WWOX: variants seen among roughly 807,000 people sequenced by gnomAD.
WWOX encodes the protein WW domain-containing oxidoreductase.
Under a neutral mutation model 46.2 loss-of-function variants are expected in WWOX, and 69 were observed. That is an observed-to-expected ratio of 1.49 (90% confidence interval 1.23 to 1.82). The LOEUF is 1.82. Ranked by LOEUF, WWOX falls within the 40% of genes most tolerant of loss-of-function variation. The pLI, the probability that WWOX is intolerant of heterozygous loss-of-function variation, is 0.00. For synonymous variants in WWOX, 359 were observed against 202.6 expected (o/e 1.77, Z -6.56); for missense variants, 919 against 542.6 (o/e 1.69, Z -6.89).
chr16:78,111,095 C>T (rs1020381162), intron 3 of WWOX, among the ~76,000 whole-genome samples: 1 of 152,026 alleles, frequency 6.6e-6, no homozygotes, highest in African/African-American at 2.4e-5. Flanking sequence ...GGCCAGCCCT[C>T]CTCTGAGTGT....
rs75351625 is a variant in WWOX, at chr16:78,140,571, G to A, written c.410-23612G>A. On this transcript the variant is annotated intron_variant, in intron 4 of 8. Transcript: ENST00000566780. Reference sequence around the variant, plus strand: ...AGCCCTAGATGTTCATTGGCCTGTGGCAGGGTAATTCCAGTCTCTGCCTCC... The same window carrying A: ...AGCCCTAGATGTTCATTGGCCTGTGACAGGGTAATTCCAGTCTCTGCCTCC... Among the ~76,000 whole-genome samples the A allele has an allele frequency of 8.0e-3, 1,224 of 152,206 alleles. 12 individuals carry two copies. The highest frequency in any genetic ancestry group is 0.028 in the African/African-American group (1,159 of 41,498).
At chr16:78,488,095 G>T (rs962974317) in intron 8 of WWOX, among the ~76,000 whole-genome samples, 1 of 152,196 alleles carries the variant, frequency 6.6e-6, no homozygotes, top group East Asian at 1.9e-4. Flanking sequence ...CTGTGGAGCA[G>T]GGAGGGATCT....
At chr16:79,034,161 C>T (rs2047820697) in intron 8 of WWOX, among the ~76,000 whole-genome samples, 3 of 152,124 alleles carry the variant, frequency 2.0e-5, no homozygotes, top group African/African-American at 7.2e-5. Context: ...GTTTTCTTCT[C>T]CATCTATAAC....
At chr16:78,217,794 G>C (rs1232800787) in intron 5 of WWOX, among the ~76,000 whole-genome samples, 2 of 152,308 alleles carry the variant, frequency 1.3e-5, no homozygotes, top group South Asian at 4.1e-4. Flanking sequence ...TCTGTGTGCT[G>C]TGCAGGCCGT....
chr16:78,131,905 T>G (rs1016621043), intron 4 of WWOX, among the ~76,000 whole-genome samples: 11 of 151,606 alleles, frequency 7.3e-5, no homozygotes, highest in African/African-American at 2.4e-4. Flanking sequence ...TTTTTCATAC[T>G]TGAGGAAACA....
At chr16:78,954,633 C>G (rs79549079) in intron 8 of WWOX, among the ~76,000 whole-genome samples, 5 of 152,016 alleles carry the variant, frequency 3.3e-5, no homozygotes, top group Non-Finnish European at 7.4e-5. Flanking sequence ...AGATACAGAC[C>G]TGACCTCAAT....
intron 8 of WWOX, among the ~76,000 whole-genome samples, chr16:78,745,285 C>G (rs1376296473): frequency 6.6e-6 from 1 of 152,184 alleles, no homozygotes; most frequent in African/African-American, 2.4e-5. Flanking sequence ...TTTGGCTGAG[C>G]TGGGCATCTT....
chr16:79,009,740 C>G (rs112470477), intron 8 of WWOX, among the ~76,000 whole-genome samples: 3 of 152,198 alleles, frequency 2.0e-5, no homozygotes, highest in Admixed American at 2.0e-4. Context: ...TGTGAGCCAC[C>G]GCTCCTGGCA....
At chr16:79,181,742 G>T (rs761909158) in intron 8 of WWOX, among the ~76,000 whole-genome samples, 40 of 152,084 alleles carry the variant, frequency 2.6e-4, no homozygotes, top group South Asian at 6.2e-4. Flanking sequence ...TCTAGAAGTG[G>T]AATTACTGGG....
chr16:78,213,901 G>A (rs2036636645), intron 5 of WWOX, among the ~76,000 whole-genome samples: 1 of 152,178 alleles, frequency 6.6e-6, no homozygotes, highest in Non-Finnish European at 1.5e-5. Flanking sequence ...GGTTTCAGGA[G>A]GCTGTCTCCA....
At chr16:78,395,118 C>G (rs1273052802) in intron 6 of WWOX, among the ~76,000 whole-genome samples, 1 of 152,124 alleles carries the variant, frequency 6.6e-6, no homozygotes, top group East Asian at 1.9e-4. Context: ...AGAAAGGTTT[C>G]TGAGAATATA....
chr16:79,064,756 A>G (rs994738439), intron 8 of WWOX, among the ~76,000 whole-genome samples: 1 of 152,198 alleles, frequency 6.6e-6, no homozygotes. Context: ...TGTGTGGGTC[A>G]GGAGACGCTT....
chr16:78,403,470 C>T (rs2082459696), intron 6 of WWOX, among the ~76,000 whole-genome samples: 1 of 152,124 alleles, frequency 6.6e-6, no homozygotes, highest in Non-Finnish European at 1.5e-5. Flanking sequence ...TTTAGTATTG[C>T]TTTATGCCTA....
At chr16:79,103,055 G>T (rs966213047) in intron 8 of WWOX, among the ~76,000 whole-genome samples, 2 of 151,044 alleles carry the variant, frequency 1.3e-5, no homozygotes, top group African/African-American at 4.9e-5. Context: ...TTCTTGCTTT[G>T]GGCAAGTTCT....
chr16:78,550,532 A>G (rs781169432), intron 8 of WWOX, among the ~76,000 whole-genome samples: 5 of 152,094 alleles, frequency 3.3e-5, no homozygotes, highest in Non-Finnish European at 7.3e-5. Context: ...TTCAAAAATC[A>G]TTTTCTTTTT....
chr16:78,353,693 A>C (rs1489209376), intron 5 of WWOX, among the ~76,000 whole-genome samples: 1 of 152,260 alleles, frequency 6.6e-6, no homozygotes, highest in Non-Finnish European at 1.5e-5. Flanking sequence ...GAAGAACTGC[A>C]GTCTGTGGCT....
At chr16:78,278,469 A>G in intron 5 of WWOX, 1 of 838,810 alleles carries the variant, frequency 1.2e-6, no homozygotes. Context: ...AGGTGTTGGA[A>G]GAAGGTTTTA....
chr16:78,963,517 C>G (rs956925100), intron 8 of WWOX, among the ~76,000 whole-genome samples: 5 of 152,192 alleles, frequency 3.3e-5, no homozygotes, highest in African/African-American at 1.2e-4. Flanking sequence ...TTGCAGACAG[C>G]AGTCGCTTCA....
At chr16:78,124,045 T>A (rs1851762995) in intron 4 of WWOX, 1 of 152,158 alleles carries the variant, frequency 6.6e-6, no homozygotes, top group South Asian at 2.1e-4. Flanking sequence ...ATTAATCGCA[T>A]ATTTCAGCTG....
Sources: gnomAD v4.1 joint callset for allele counts (sites outside exome capture counted in the v4.1 genomes callset) on GRCh38, gnomAD v4.1.1 for gene constraint, MANE v1.5 for transcripts, NCBI Gene and HGNC (gene_info 2026-07-23, HGNC 2026-07-21) for gene names.